INTS11: variants seen among roughly 807,000 people sequenced by gnomAD.
INTS11 encodes the protein integrator complex subunit 11, also known as CPSF3-like protein.
In INTS11, 77 loss-of-function variants were observed where a neutral mutation model predicts 78.6. The observed-to-expected ratio is 0.98, with a 90% confidence interval of 0.81 to 1.18. The LOEUF (loss-of-function observed/expected upper bound fraction) is 1.18. Among genes scored for constraint, INTS11 ranks in the 50% most tolerant of loss-of-function variants. The probability of loss-of-function intolerance (pLI) is 0.00; values close to 1 mark genes in which losing one functional copy is unlikely to be tolerated. For synonymous variants in INTS11, 441 were observed against 326.9 expected (o/e 1.35, Z -3.77); for missense variants, 875 against 825.9 (o/e 1.06, Z -0.73).
chr1:1,320,937 G>T (rs757621940), intron 2 of INTS11, 59 bp downstream of exon 2: 2 of 1,442,274 alleles, frequency 1.4e-6, no homozygotes, highest in Non-Finnish European at 2.0e-6. Flanking sequence ...TGAGGCCCAG[G>T]GTCCAGCTGT....
Position 1,313,032 on chromosome 1 carries a change from C to G in INTS11, c.1131+3G>C. The G allele has an allele frequency of 6.2e-7, 1 of 1,611,178 alleles. No individual in the cohort carries two copies. The highest frequency in any genetic ancestry group is 8.5e-7 in the Non-Finnish European group (1 of 1,179,820). ...GCCAGCCCAGTGCGGGGTCGAGACT[C>G]ACCACCTGCCGCCCCTCCATCTCGA... On this transcript the variant is annotated splice_donor_region_variant and intron_variant, in intron 11 of 16. Coordinates refer to ENST00000435064, the MANE Select transcript of INTS11 (RefSeq NM_017871.6).
intron 4 of INTS11, among the ~76,000 whole-genome samples, chr1:1,315,980 T>G (rs1158477363): frequency 3.9e-5 from 6 of 152,112 alleles, no homozygotes; most frequent in Non-Finnish European, 8.8e-5. Flanking sequence ...GACCTGAAAT[T>G]GGAGTTTCCA....
Position 1,312,209 on chromosome 1 carries a change from C to CGGGG in INTS11, c.1607+13_1607+16dup. 2 of 863,568 alleles carry CGGGG rather than the reference C, an allele frequency of 2.3e-6. No homozygotes were observed. The highest frequency in any genetic ancestry group is 3.2e-6 in the Non-Finnish European group (2 of 629,196). The allele number at this position is 863,568 out of a possible 1,614,324, so 53.5% of individuals were successfully genotyped here. On this transcript the variant is annotated intron_variant, in intron 15 of 16. Transcript: ENST00000435064. ...AGGGCCCAAGGGAGTGGGGGGGGGG[C>CGGGG]GGGGCCGGGCGCCCACCTCTTGAGG...
In INTS11 at chr1:1,312,213, G is replaced by GCCGGGCCCGGCCCCCCCCCCCCCCCC; in HGVS notation, c.1607+12_1607+13insGGGGGGGGGGGGGGGGCCGGGCCCGG. On this transcript the variant is annotated intron_variant, in intron 15 of 16. Transcript: ENST00000435064. ...CCCAAGGGAGTGGGGGGGGGGCGGG[G>GCCGGGCCCGGCCCCCCCCCCCCCCCC]CCGGGCGCCCACCTCTTGAGGTGGC... The GCCGGGCCCGGCCCCCCCCCCCCCCCC allele has an allele frequency of 1.1e-6, 1 of 934,614 alleles. No individual in the cohort carries two copies. 57.9% of individuals were successfully genotyped at this position (934,614 alleles called of 1,614,324 possible). A position where few individuals can be genotyped will look rare whatever the true frequency, so the allele number is the denominator to read the frequency against.
rs141744359 is a variant in INTS11, at chr1:1,312,362, G to C, written c.1471C>G (p.Arg491Gly). 12 of 1,565,532 alleles carry C rather than the reference G, an allele frequency of 7.7e-6. No individual in the cohort carries two copies. Among genetic ancestry groups the C allele is most frequent in the East Asian group, 2.4e-5 (1 of 42,502 alleles). The change falls in exon 15 of 17, where the codon CGG becomes GGG. Residue 491 changes from arginine to glycine, a missense_variant. Transcript: ENST00000435064. ...GTLIMKDSNF[R>G]LVSSEQALKE... ...AGGGCTTGCTCTGAGGACACCAGCC[G>C]GAAGTTCTGTGGGGCAGGGACAGGT...
chr1:1,321,558 C>A (rs1403123519), intron 1 of INTS11, among the ~76,000 whole-genome samples: 1 of 152,254 alleles, frequency 6.6e-6, no homozygotes, highest in Non-Finnish European at 1.5e-5. Context: ...AGTGCTGGCA[C>A]TGGGTGTTCT....
intron 4 of INTS11, 58 bp downstream of exon 4, chr1:1,319,238 G>C: frequency 7.2e-7 from 1 of 1,385,214 alleles, no homozygotes; most frequent in African/African-American, 1.4e-5. Context: ...CGGGCGGAGG[G>C]CATGGTTGGT....
In INTS11 at chr1:1,311,795, G is replaced by A; in HGVS notation, c.*64C>T. 6.7e-7 allele frequency: 1 copy of A among 1,490,036 alleles called. No homozygotes were observed. The highest frequency in any genetic ancestry group is 9.1e-7 in the Non-Finnish European group (1 of 1,104,560). 92.3% of individuals were successfully genotyped at this position (1,490,036 alleles called of 1,614,324 possible). On this transcript the variant is annotated 3_prime_UTR_variant, in exon 17 of 17. Transcript: ENST00000435064. ...CACCCAGGGCACCCACAGTCCTGAA[G>A]TGCAGGCCCAGGGTCTGTCCAGCTG...
At chr1:1,315,923 G>A (rs1013754583) in intron 4 of INTS11, among the ~76,000 whole-genome samples, 11 of 152,114 alleles carry the variant, frequency 7.2e-5, no homozygotes, top group African/African-American at 1.2e-4. Flanking sequence ...CACAAGGGAC[G>A]GGCAACGTGG....
In INTS11 at chr1:1,314,555, C is replaced by CGCATG. The variant is rs1642457992; in HGVS notation, c.703-195_703-191dup. 1.6e-6 allele frequency: 1 copy of CGCATG among 639,214 alleles called. No individual in the cohort carries two copies. The highest frequency in any genetic ancestry group is 2.7e-6 in the Non-Finnish European group (1 of 372,198). 39.6% of individuals were successfully genotyped at this position (639,214 alleles called of 1,614,324 possible). On this transcript the variant is annotated intron_variant, in intron 7 of 16. Coordinates refer to ENST00000435064, the MANE Select transcript of INTS11 (RefSeq NM_017871.6). This position sits in a 1 kb window ranked among gnomAD's most constrained non-coding sequence, Gnocchi z 4.2. ...AGCCGTATGAGAGACAGGAGGGAGC[C>CGCATG]GCATGAGAGACAGAAGGGAGCTGCA... is the stretch of plus-strand genomic sequence containing the variant.
intron 15 of INTS11, 31 bp from the exon 16 acceptor site, chr1:1,312,178 G>A (rs1218903609): frequency 6.9e-7 from 1 of 1,446,144 alleles, no homozygotes; most frequent in East Asian, 5.1e-5. Flanking sequence ...ACCCTGCCTG[G>A]CCTCCAGGGC....
chr1:1,315,021 G>A (rs1570717159), intron 6 of INTS11, 59 bp from the exon 7 acceptor site: 2 of 1,587,724 alleles, frequency 1.3e-6, no homozygotes, highest in Middle Eastern at 1.7e-4. Flanking sequence ...TTGCAGGGCT[G>A]GGTGTGACAA....
At position 1,314,458 on chromosome 1, in the gene INTS11, G is replaced by A. The variant is rs1642449774; in HGVS notation, c.703-93C>T. ...GGGCACGGCCAGGTGCCCAAGAGCT[G>A]CGGCCTCATAGGGACCTTAGCCTCT... On this transcript the variant is annotated intron_variant, in intron 7 of 16. Transcript: ENST00000435064. The surrounding 1 kb of genome is among the most constrained non-coding windows in gnomAD (Gnocchi z 4.2). 3 of 1,170,894 alleles carry A rather than the reference G, an allele frequency of 2.6e-6. No homozygotes were observed. The highest frequency in any genetic ancestry group is 3.6e-6 in the Non-Finnish European group (3 of 826,682). The allele number at this position is 1,170,894 out of a possible 1,614,324, so 72.5% of individuals were successfully genotyped here. A position where few individuals can be genotyped will look rare whatever the true frequency, so the allele number is the denominator to read the frequency against.
chr1:1,320,602 G>C, intron 2 of INTS11, 73 bp from the exon 3 acceptor site: 1 of 1,495,630 alleles, frequency 6.7e-7, no homozygotes, highest in East Asian at 2.3e-5. Flanking sequence ...ATGCCCCAGG[G>C]AGGGGCCCCC....
chr1:1,322,910 G>T, intron 1 of INTS11: 1 of 1,294,694 alleles, frequency 7.7e-7, no homozygotes, highest in Middle Eastern at 3.0e-4. Flanking sequence ...AGGTGACCTT[G>T]AGAATATACC....
chr1:1,314,867 T>C lies in INTS11; in HGVS notation c.659A>G (p.Asp220Gly). The C allele has an allele frequency of 6.2e-7, 1 of 1,612,728 alleles. No homozygotes were observed. Among genetic ancestry groups the C allele is most frequent in the Non-Finnish European group, 8.5e-7 (1 of 1,179,828 alleles). The part of the protein sequence containing the change: ...IRDSKRCRER[D>G]FLKKVHETVE... ...GGTCTCGTGGACTTTCTTCAGGAAG[T>C]CTCGCTCCCGGCAGCGCTTGGAGTC... Residue 220 changes from aspartate (D) to glycine (G), a missense_variant, in exon 7 of 17, where the codon GAC (aspartate) becomes GGC (glycine). Coordinates refer to ENST00000435064, the MANE Select transcript of INTS11 (RefSeq NM_017871.6). The surrounding 1 kb of genome is among the most constrained non-coding windows in gnomAD (Gnocchi z 4.2).
At chr1:1,319,934 A>C (rs1040457272) in intron 3 of INTS11, 2 of 210,280 alleles carry the variant, frequency 9.5e-6, no homozygotes, top group Non-Finnish European at 1.9e-5. Context: ...TCTGAGAAGA[A>C]ACCACAACCA....
chr1:1,320,488 G>A lies in INTS11; in HGVS notation c.168C>T (p.Arg56=). Reference sequence around the variant, plus strand: ...TCACACAGTCCAGGAAGTCTGTTAGGCGGCCGTTCTGGGTGATGTAGGAGA... The same window carrying A: ...TCACACAGTCCAGGAAGTCTGTTAGACGGCCGTTCTGGGTGATGTAGGAGA... ...PDFSYITQNG[R]LTDFLDCVII... Residue 56 remains arginine, a synonymous_variant, in exon 3 of 17, where the codon CGC becomes CGT. Coordinates refer to ENST00000435064, the MANE Select transcript of INTS11 (RefSeq NM_017871.6). 1.2e-6 allele frequency: 2 copies of A among 1,613,982 alleles called. No individual in the cohort carries two copies. Among genetic ancestry groups the A allele is most frequent in the Non-Finnish European group, 1.7e-6 (2 of 1,179,982 alleles).
intron 1 of INTS11, chr1:1,323,434 T>A (rs1283593067): frequency 2.4e-5 from 24 of 1,009,830 alleles, no homozygotes; most frequent in Admixed American, 5.5e-5. Context: ...TGAGACATGG[T>A]TTTGCTGTCA....
Sources: gnomAD v4.1 joint callset for allele counts (sites outside exome capture counted in the v4.1 genomes callset) on GRCh38, gnomAD v4.1.1 for gene constraint, Gnocchi (gnomAD v3.1) non-coding constraint, MANE v1.5 for transcripts, NCBI Gene and HGNC (gene_info 2026-07-23, HGNC 2026-07-21) for gene names.